Variants in TENM3 observed in about 807,000 individuals in gnomAD.
The protein encoded by TENM3 is teneurin transmembrane protein 3.
In TENM3, 63 loss-of-function variants were observed where a neutral mutation model predicts 255.1. The observed-to-expected ratio is 0.25, with a 90% confidence interval of 0.20 to 0.30. The LOEUF is 0.30. TENM3 is among the 10% of genes least tolerant of loss of function. The probability of loss-of-function intolerance (pLI) is 1.00; values close to 1 mark genes in which losing one functional copy is unlikely to be tolerated. For missense variants in TENM3, 2,929 were observed against 3,461.1 expected, an observed-to-expected ratio of 0.85 and a Z score of 3.86; for synonymous variants, 1,306 against 1,322.3, an observed-to-expected ratio of 0.99 and a Z score of 0.27.
chr4:181,773,883 C>T, the TENM3 span, among the ~76,000 whole-genome samples: 1 of 152,128 alleles, frequency 6.6e-6, no homozygotes, highest in Admixed American at 6.5e-5. Context: ...AGTGAATGCC[C>T]TCTGCAGTAT....
At chr4:182,379,496 G>A (rs565846445) in intron 3 of TENM3, among the ~76,000 whole-genome samples, 1 of 152,346 alleles carries the variant, frequency 6.6e-6, no homozygotes, top group Non-Finnish European at 1.5e-5. Flanking sequence ...AAATTGTAAA[G>A]GTAGGTTAAA....
At chr4:181,510,121 C>T in the TENM3 span, among the ~76,000 whole-genome samples, 1 of 152,184 alleles carries the variant, frequency 6.6e-6, no homozygotes, top group African/African-American at 2.4e-5. Flanking sequence ...ATGCTTATTA[C>T]ATAAAATGGA....
the TENM3 span, chr4:181,905,937 G>C: frequency 1.8e-6 from 1 of 567,186 alleles, no homozygotes; most frequent in Non-Finnish European, 3.3e-6. Flanking sequence ...CTCCAACTTC[G>C]GTTTCAGAAC....
At chr4:182,263,887 G>A (rs536383778) in intron 1 of TENM3, among the ~76,000 whole-genome samples, 1 of 152,252 alleles carries the variant, frequency 6.6e-6, no homozygotes, top group South Asian at 2.1e-4. Context: ...AAGCAGAGTG[G>A]CTAATGTCTG....
At chr4:182,634,007 G>T (rs141660055) in intron 5 of TENM3, among the ~76,000 whole-genome samples, 45 of 152,256 alleles carry the variant, frequency 3.0e-4, no homozygotes, top group African/African-American at 1.0e-3. Context: ...TGATTTAGCA[G>T]ATCCGAAGTG....
chr4:181,751,082 A>G, the TENM3 span, among the ~76,000 whole-genome samples: 1 of 152,166 alleles, frequency 6.6e-6, no homozygotes, highest in Non-Finnish European at 1.5e-5. Context: ...TCAGCTACTC[A>G]TACCACACAG....
chr4:182,730,117 C>G, intron 14 of TENM3, 83 bp from the exon 15 acceptor site: 1 of 1,546,730 alleles, frequency 6.5e-7, no homozygotes, highest in Non-Finnish European at 8.8e-7. Context: ...TTATTTTATC[C>G]TTAGGTTGAA....
the TENM3 span, among the ~76,000 whole-genome samples, chr4:181,910,572 T>C: frequency 1.3e-4 from 19 of 140,952 alleles, no homozygotes; most frequent in African/African-American, 5.0e-4. Flanking sequence ...TATATATATA[T>C]AATGTACATA....
the TENM3 span, among the ~76,000 whole-genome samples, chr4:181,810,642 T>C: frequency 6.6e-6 from 1 of 152,038 alleles, no homozygotes; most frequent in Non-Finnish European, 1.5e-5. Flanking sequence ...TGATGAGAGA[T>C]ATATACATGT....
the TENM3 span, among the ~76,000 whole-genome samples, chr4:181,587,095 A>G: frequency 6.6e-6 from 1 of 152,206 alleles, no homozygotes; most frequent in Non-Finnish European, 1.5e-5. Context: ...CCAACAAACC[A>G]TACTTTTTTA....
chr4:182,521,890 C>T (rs925371028), intron 3 of TENM3, among the ~76,000 whole-genome samples: 4 of 152,058 alleles, frequency 2.6e-5, no homozygotes, highest in African/African-American at 4.8e-5. Flanking sequence ...TGTTCACAAA[C>T]GAATTTTTCT....
chr4:181,878,590 C>CT, the TENM3 span, among the ~76,000 whole-genome samples: 3 of 152,042 alleles, frequency 2.0e-5, no homozygotes, highest in Admixed American at 1.3e-4. Flanking sequence ...CCCAAAGAAA[C>CT]TTTTTTTCCT....
the TENM3 span, among the ~76,000 whole-genome samples, chr4:181,682,593 AAT>A: frequency 2.8e-4 from 42 of 152,252 alleles, no homozygotes; most frequent in East Asian, 8.1e-3. Context: ...GAAGAGAAAA[AAT>A]ATATATATGC....
chr4:181,626,178 C>T, the TENM3 span, among the ~76,000 whole-genome samples: 25,669 of 152,064 alleles, frequency 0.17, 2,353 homozygotes, highest in African/African-American at 0.24. Context: ...CAAGACTAGG[C>T]TGGAAGAAGG....
At chr4:181,843,002 G>GA in the TENM3 span, among the ~76,000 whole-genome samples, 2 of 152,076 alleles carry the variant, frequency 1.3e-5, no homozygotes, top group Non-Finnish European at 2.9e-5. Context: ...AAGTTCCTTT[G>GA]ACTAAAACCT....
chr4:182,676,126 C>T (rs901076425), intron 7 of TENM3, among the ~76,000 whole-genome samples: 1 of 152,130 alleles, frequency 6.6e-6, no homozygotes, highest in Non-Finnish European at 1.5e-5. Flanking sequence ...ATAAATCAAC[C>T]TGAAATAATT....
the TENM3 span, among the ~76,000 whole-genome samples, chr4:181,797,423 CT>C: frequency 3.9e-5 from 6 of 152,116 alleles, no homozygotes; most frequent in African/African-American, 1.4e-4. Context: ...ACACCTTCTC[CT>C]TCCTCTCCTT....
the TENM3 span, among the ~76,000 whole-genome samples, chr4:181,880,449 G>A: frequency 2.0e-5 from 3 of 151,770 alleles, no homozygotes; most frequent in Middle Eastern, 3.2e-3. Context: ...TACAGAAAAA[G>A]GTTTAAAAAA....
At chr4:181,605,892 G>A in the TENM3 span, among the ~76,000 whole-genome samples, 1 of 152,236 alleles carries the variant, frequency 6.6e-6, no homozygotes, top group African/African-American at 2.4e-5. Flanking sequence ...TTTCCTCGGG[G>A]CAATTTCCAA....
Sources: allele counts gnomAD v4.1 joint callset (sites outside exome capture counted in the v4.1 genomes callset), GRCh38; gene constraint gnomAD v4.1.1; transcripts MANE v1.5; gene names NCBI Gene and HGNC (gene_info 2026-07-23, HGNC 2026-07-21).